Variants in LHFPL3 observed in about 807,000 individuals in gnomAD.
LHFPL3 encodes LHFPL tetraspan subfamily member 3 protein.
A neutral mutation model predicts 19.3 loss-of-function variants in LHFPL3; 5 were observed. That is an observed-to-expected ratio of 0.26 (90% CI 0.14 to 0.54). LHFPL3 has a LOEUF of 0.54. LHFPL3 is among the 20% of genes least tolerant of loss of function. The pLI is 0.94. For missense variants in LHFPL3, 249 were observed against 307.4 expected (o/e 0.81, Z 1.42); for synonymous variants, 133 against 126.2 (o/e 1.05, Z -0.36).
intron 1 of LHFPL3, among the ~76,000 whole-genome samples, chr7:104,479,998 G>C (rs1034574): frequency 0.51 from 77,460 of 152,062 alleles, 20,193 homozygotes; most frequent in Middle Eastern, 0.56. Context: ...TGAAACTTTA[G>C]GATGAAGGTT....
chr7:104,547,940 A>G (rs574338635), intron 1 of LHFPL3, among the ~76,000 whole-genome samples: 2 of 152,324 alleles, frequency 1.3e-5, no homozygotes, highest in East Asian at 1.9e-4. Flanking sequence ...CACAGTAAAT[A>G]TCATCAAGTA....
intron 1 of LHFPL3, among the ~76,000 whole-genome samples, chr7:104,497,786 T>C (rs921016444): frequency 2.6e-5 from 4 of 152,180 alleles, no homozygotes; most frequent in Non-Finnish European, 4.4e-5. Context: ...CCATTTCCAG[T>C]GCTACTGTGG....
chr7:104,545,177 T>C (rs1219627785), intron 1 of LHFPL3, among the ~76,000 whole-genome samples: 2 of 152,206 alleles, frequency 1.3e-5, no homozygotes, highest in Admixed American at 1.3e-4. Flanking sequence ...ATAAAATACA[T>C]GCTTCTCCAC....
intron 1 of LHFPL3, among the ~76,000 whole-genome samples, chr7:104,377,903 C>G (rs1056981985): frequency 1.3e-5 from 2 of 152,152 alleles, no homozygotes; most frequent in African/African-American, 4.8e-5. Flanking sequence ...GTGGCTTCTT[C>G]AATTATTGTA....
At chr7:104,596,778 C>T (rs12705239) in intron 1 of LHFPL3, among the ~76,000 whole-genome samples, 19,916 of 152,238 alleles carry the variant, frequency 0.13, 1,509 homozygotes, top group Non-Finnish European at 0.17. Flanking sequence ...ATCTCACGTG[C>T]ATTGCCAGAA....
chr7:104,484,747 C>G (rs927604227), intron 1 of LHFPL3, among the ~76,000 whole-genome samples: 1 of 152,140 alleles, frequency 6.6e-6, no homozygotes, highest in Non-Finnish European at 1.5e-5. Flanking sequence ...GCTGTGTCAT[C>G]CCATGAGGGG....
At chr7:104,517,964 A>G (rs1159950522) in intron 1 of LHFPL3, among the ~76,000 whole-genome samples, 2 of 152,172 alleles carry the variant, frequency 1.3e-5, no homozygotes, top group Admixed American at 6.5e-5. Context: ...GTGTATACCT[A>G]TGTAACAAAA....
intron 2 of LHFPL3, among the ~76,000 whole-genome samples, chr7:104,783,642 ATACCTAAC>A (rs1247710768): frequency 6.6e-6 from 1 of 152,224 alleles, no homozygotes; most frequent in Non-Finnish European, 1.5e-5. Flanking sequence ...GAGGTACAGG[ATACCTAAC>A]TACAAAAGAC....
intron 2 of LHFPL3, among the ~76,000 whole-genome samples, chr7:104,834,254 G>T (rs1037927195): frequency 6.6e-6 from 1 of 151,340 alleles, no homozygotes; most frequent in African/African-American, 2.4e-5. Context: ...ATCCAATCAA[G>T]TTGACAGTAT....
At chr7:104,368,267 G>A (rs141419020) in intron 1 of LHFPL3, among the ~76,000 whole-genome samples, 3 of 152,160 alleles carry the variant, frequency 2.0e-5, no homozygotes, top group African/African-American at 7.2e-5. Flanking sequence ...ACTCTGTGCA[G>A]CCTCTTTTAG....
In LHFPL3 at chr7:104,726,134, G is replaced by T. The variant is rs370238835; in HGVS notation, c.446-10541G>T. The stretch of plus-strand genomic sequence containing the variant: ...CATAACAAAGTTGCTTCTGTTAAAT[G>T]TCAACTAAATATGAACCCATCTTTA... On this transcript the variant is annotated intron_variant, in intron 1 of 2. Coordinates refer to ENST00000424859, the MANE Select transcript of LHFPL3 (RefSeq NM_199000.3). Among the ~76,000 whole-genome samples, 552 of 147,578 alleles carry T rather than the reference G, an allele frequency of 3.7e-3. 4 individuals are homozygous for T. Among genetic ancestry groups the T allele is most frequent in the Non-Finnish European group, 5.9e-3 (393 of 67,096 alleles).
chr7:104,478,924 G>A (rs1258435472), intron 1 of LHFPL3, among the ~76,000 whole-genome samples: 1 of 152,138 alleles, frequency 6.6e-6, no homozygotes, highest in East Asian at 1.9e-4. Flanking sequence ...ACAAGAATCT[G>A]GCTAAAATAG....
intron 1 of LHFPL3, among the ~76,000 whole-genome samples, chr7:104,733,150 G>A (rs1208688667): frequency 6.6e-6 from 1 of 152,086 alleles, no homozygotes; most frequent in Non-Finnish European, 1.5e-5. Flanking sequence ...CCAACTATGT[G>A]GTCAATTTTG....
At chr7:104,753,512 G>A (rs1175246608) in intron 2 of LHFPL3, among the ~76,000 whole-genome samples, 2 of 151,908 alleles carry the variant, frequency 1.3e-5, no homozygotes, top group African/African-American at 4.8e-5. Context: ...GAGGTCAGGG[G>A]CCTCTTTTAA....
chr7:104,610,519 A>G (rs1472294476), intron 1 of LHFPL3, among the ~76,000 whole-genome samples: 2 of 152,156 alleles, frequency 1.3e-5, no homozygotes, highest in Non-Finnish European at 2.9e-5. Context: ...AGATGGTGAT[A>G]TAGTTCCTGT....
intron 2 of LHFPL3, among the ~76,000 whole-genome samples, chr7:104,893,371 G>A (rs1468283327): frequency 1.3e-5 from 2 of 151,302 alleles, no homozygotes; most frequent in East Asian, 3.9e-4. Context: ...AAAATTAAAG[G>A]GGCATGGTAG....
At chr7:104,440,353 G>A (rs1343925455) in intron 1 of LHFPL3, among the ~76,000 whole-genome samples, 1 of 150,474 alleles carries the variant, frequency 6.6e-6, no homozygotes, top group African/African-American at 2.4e-5. Flanking sequence ...TCATAGGTGG[G>A]AATCGAACAA....
intron 1 of LHFPL3, among the ~76,000 whole-genome samples, chr7:104,736,268 C>T (rs1793815310): frequency 6.6e-6 from 1 of 152,226 alleles, no homozygotes; most frequent in Admixed American, 6.5e-5. Flanking sequence ...TGGCTGCTGT[C>T]ATAGCTCCTC....
chr7:104,454,211 A>C (rs1792498060), intron 1 of LHFPL3, among the ~76,000 whole-genome samples: 1 of 152,196 alleles, frequency 6.6e-6, no homozygotes, highest in African/African-American at 2.4e-5. Context: ...TAGGCAGAGC[A>C]AAAGACTAGA....
Sources: gnomAD v4.1 joint callset for allele counts (sites outside exome capture counted in the v4.1 genomes callset) on GRCh38, gnomAD v4.1.1 for gene constraint, MANE v1.5 for transcripts, NCBI Gene and HGNC (gene_info 2026-07-23, HGNC 2026-07-21) for gene names.